BLM: variants seen among roughly 807,000 people sequenced by gnomAD.
BLM encodes the protein recQ-like DNA helicase BLM.
BLM carries 95 observed loss-of-function variants against 135.3 expected under a neutral mutation model. The ratio of observed to expected loss-of-function variants is 0.70; its 90% CI spans 0.59 to 0.83. The LOEUF (loss-of-function observed/expected upper bound fraction) is 0.83. Among genes scored for constraint, BLM ranks in the 40% least tolerant of loss-of-function variants. The pLI, the probability that BLM is intolerant of heterozygous loss-of-function variation, is 0.00. For missense variants in BLM, 1,518 were observed against 1,663.9 expected (o/e 0.91, Z 1.53); for synonymous variants, 520 against 589.2 (o/e 0.88, Z 1.70).
At chr15:90,805,230 C>T (rs564056190) in intron 19 of BLM, among the ~76,000 whole-genome samples, 1 of 148,584 alleles carries the variant, frequency 6.7e-6, no homozygotes, top group South Asian at 2.2e-4. Flanking sequence ...ATATATAGTA[C>T]TTTGTTATAT....
rs192852013 is a variant in BLM at position 90,793,267 on chromosome 15, A to G, written c.3020-900A>G. ...TCTCAGCCTCAGCCTCCCGACTAGC[A>G]GGGATTACAGGCTCGCACCACCACA... On this transcript the variant is annotated intron_variant, in intron 15 of 21. Transcript: ENST00000355112. Among the ~76,000 whole-genome samples the G allele has an allele frequency of 3.9e-3, 593 of 151,474 alleles. 1 individual carries two copies. Among genetic ancestry groups the G allele is most frequent in the Middle Eastern group, 6.8e-3 (2 of 294 alleles).
At chr15:90,803,431 C>A in intron 17 of BLM, 90 bp from the exon 18 acceptor site, 1 of 1,202,062 alleles carries the variant, frequency 8.3e-7, no homozygotes, top group Non-Finnish European at 1.2e-6. Context: ...TCTGTCCAAA[C>A]CTGTCCATAA....
At chr15:90,731,727 CTCT>C (rs1201833602) in intron 1 of BLM, among the ~76,000 whole-genome samples, 1 of 152,084 alleles carries the variant, frequency 6.6e-6, no homozygotes, top group Non-Finnish European at 1.5e-5. Context: ...GTCTTTCAAT[CTCT>C]TCTTTTTTGT....
In BLM at chr15:90,790,765, T is replaced by G. The variant is rs1596257223; in HGVS notation, c.2940T>G (p.Ala980=). The change falls in exon 15 of 22, where the codon GCT becomes GCG. Residue 980 remains alanine (A), a synonymous_variant. Coordinates refer to ENST00000355112, the MANE Select transcript of BLM (RefSeq NM_000057.4). ...GTTACTACCAAGAATCTGGCAGAGC[T>G]GGAAGAGATGGGGAAATATCTCACT... ...VEGYYQESGR[A]GRDGEISHCL... is the part of the protein sequence containing the mutation. 2 of 1,614,158 alleles carry G rather than the reference T, an allele frequency of 1.2e-6. No individual in the cohort carries two copies. The highest frequency in any genetic ancestry group is 1.7e-6 in the Non-Finnish European group (2 of 1,179,992).
rs1400651632 is a variant in BLM at position 90,737,852 on chromosome 15, G to C, written c.-4-9537G>C. ...GATAAACAAAACAGGGACTAGAAAA[G>C]CAGTAGAGAAATTGACAAAACAGAA... On this transcript the variant is annotated intron_variant, in intron 1 of 21. Coordinates refer to ENST00000355112, the MANE Select transcript of BLM (RefSeq NM_000057.4). 2.0e-5 allele frequency among the ~76,000 whole-genome samples: 3 copies of C among 152,016 alleles called. No homozygotes were observed. The East Asian group carries it at 5.8e-4, about 29-fold the overall frequency.
Position 90,815,262 on chromosome 15 carries a change from T to C in BLM, c.4237T>C (p.Ser1413Pro), listed in dbSNP as rs767443059. 8.7e-6 allele frequency: 14 copies of C among 1,614,128 alleles called. No individual in the cohort carries two copies. The South Asian group carries it at 1.2e-4, about 14-fold the overall frequency. ...TATAAATAGACCGTTTCTTAAGCCTTCATATGCATTCTCATAACAACCGAA... is the reference window on the plus strand; with the variant it reads ...TATAAATAGACCGTTTCTTAAGCCTCCATATGCATTCTCATAACAACCGAA... The part of the protein sequence containing the change: ...KPINRPFLKP[S>P]YAFS Residue 1413 changes from serine to proline, a missense_variant, in exon 22 of 22, where the codon TCA (serine) becomes CCA (proline). Ser to Pro is a moderately conservative substitution (Grantham distance 74). Coordinates refer to ENST00000355112, the MANE Select transcript of BLM (RefSeq NM_000057.4). This position sits in a 1 kb window ranked among gnomAD's most constrained non-coding sequence, Gnocchi z 4.6.
Position 90,760,944 on chromosome 15 carries a change from T to C in BLM, c.1571T>C (p.Val524Ala). ...KNESSYFPGNVLTSTAVKDQN... is the reference protein window; with the variant it reads ...KNESSYFPGNALTSTAVKDQN... ...GAAAGCTCTTATTTCCCAGGAAATG[T>C]TCTCACAAGCACTGCTGTGAAAGAT... The change falls in exon 7 of 22, where the codon GTT (valine) becomes GCT (alanine). Residue 524 changes from valine (V) to alanine (A), a missense_variant. Physicochemically the swap from Val to Ala is moderately conservative, Grantham distance 64. Coordinates refer to ENST00000355112, the MANE Select transcript of BLM (RefSeq NM_000057.4). The C allele has an allele frequency of 6.2e-7, 1 of 1,614,098 alleles. No homozygotes were observed. Among genetic ancestry groups the C allele is most frequent in the South Asian group, 1.1e-5 (1 of 91,078 alleles).
intron 1 of BLM, among the ~76,000 whole-genome samples, chr15:90,719,474 G>C (rs550519782): frequency 6.6e-6 from 1 of 152,004 alleles, no homozygotes; most frequent in Non-Finnish European, 1.5e-5. Context: ...GGTGGTGTGC[G>C]CCTGTGGTTC....
intron 1 of BLM, among the ~76,000 whole-genome samples, chr15:90,735,597 A>G (rs1895193393): frequency 6.7e-6 from 1 of 148,592 alleles, no homozygotes; most frequent in Non-Finnish European, 1.5e-5. Context: ...GACTCTTTAT[A>G]AATAGTGCTG....
intron 13 of BLM, among the ~76,000 whole-genome samples, chr15:90,783,681 C>T (rs1390452825): frequency 6.6e-6 from 1 of 152,152 alleles, no homozygotes; most frequent in Admixed American, 6.6e-5. Flanking sequence ...GGGTGAATCA[C>T]TTGAGGTCAG....
At chr15:90,797,073 A>G (rs1374282452) in intron 16 of BLM, among the ~76,000 whole-genome samples, 1 of 152,138 alleles carries the variant, frequency 6.6e-6, no homozygotes, top group Non-Finnish European at 1.5e-5. Context: ...ATCAAGAACC[A>G]AAAGACCAAA....
intron 20 of BLM, 45 bp from the exon 21 acceptor site, chr15:90,811,160 A>C (rs1897404810): frequency 1.9e-6 from 3 of 1,599,758 alleles, no homozygotes; most frequent in Non-Finnish European, 2.6e-6. Flanking sequence ...AAACACGTGG[A>C]CCAGTGCGAC....
chr15:90,793,346 G>T (rs1293399047), intron 15 of BLM, among the ~76,000 whole-genome samples: 2 of 152,018 alleles, frequency 1.3e-5, no homozygotes. Context: ...TGTTGGCCAG[G>T]CTGGTCTCAA....
intron 12 of BLM, among the ~76,000 whole-genome samples, chr15:90,782,528 T>C (rs1464676824): frequency 1.3e-5 from 2 of 152,230 alleles, no homozygotes; most frequent in Non-Finnish European, 2.9e-5. Flanking sequence ...AAGATCAAGA[T>C]GCTGGCAGAT....
At chr15:90,789,987 G>GTTTTTT (rs61059865) in intron 14 of BLM, among the ~76,000 whole-genome samples, 12 of 57,376 alleles carry the variant, frequency 2.1e-4, no homozygotes, top group African/African-American at 5.8e-4. Context: ...AGTCCCTGGT[G>GTTTTTT]TTTTTTTTTT....
In BLM at chr15:90,811,368, G is replaced by A. The variant is rs2151199967; in HGVS notation, c.4038G>A (p.Lys1346=). The change falls in exon 21 of 22, where the codon AAG becomes AAA. Residue 1346 remains lysine, a synonymous_variant. Coordinates refer to ENST00000355112, the MANE Select transcript of BLM (RefSeq NM_000057.4). ...AGATGCCAGCCTCCCAAAGGTCTAA[G>A]AGGAGAAAAACTGCTTCCAGTGGTT... The part of the protein sequence containing the change: ...RKKMPASQRS[K]RRKTASSGSK... 6.2e-7 allele frequency: 1 copy of A among 1,614,186 alleles called. No homozygotes were observed. The highest frequency in any genetic ancestry group is 8.5e-7 in the Non-Finnish European group (1 of 1,180,034).
chr15:90,793,964 C>T, intron 15 of BLM: 1 of 334,550 alleles, frequency 3.0e-6, no homozygotes, highest in Non-Finnish European at 5.4e-6. Context: ...AAAAACCTAA[C>T]ATTTATTCCT....
rs551161213 is a variant in BLM at position 90,722,756 on chromosome 15, T to C, written c.-5+5316T>C. ...ACTATCATCTAGATCAAGAAAGAAA[T>C]AGAATATTACCAGGATCCCAGGACC... On this transcript the variant is annotated intron_variant, in intron 1 of 21. Transcript: ENST00000355112. Among the ~76,000 whole-genome samples the C allele has an allele frequency of 1.2e-4, 19 of 152,096 alleles. No homozygotes were observed. In the East Asian group the frequency reaches 3.5e-3, roughly 28 times the overall value.
chr15:90,767,304 C>T (rs1896161414), intron 10 of BLM, among the ~76,000 whole-genome samples: 1 of 152,186 alleles, frequency 6.6e-6, no homozygotes. Flanking sequence ...CATATAACCT[C>T]AGTACAATGA....
Sources: gnomAD v4.1 joint callset for allele counts (sites outside exome capture counted in the v4.1 genomes callset) on GRCh38, gnomAD v4.1.1 for gene constraint, Gnocchi (gnomAD v3.1) non-coding constraint, MANE v1.5 for transcripts, NCBI Gene and HGNC (gene_info 2026-07-23, HGNC 2026-07-21) for gene names.